CTSE: variants seen among roughly 807,000 people sequenced by gnomAD.
The protein encoded by CTSE is cathepsin E, also known as erythrocyte membrane aspartic proteinase.
CTSE carries 43 observed loss-of-function variants against 42.8 expected under a neutral mutation model. The observed-to-expected ratio is 1.01, with a 90% CI of 0.79 to 1.30. The LOEUF (loss-of-function observed/expected upper bound fraction) is 1.30, where lower values mean the gene tolerates loss of function less well. Among genes scored for constraint, CTSE ranks in the 50% most tolerant of loss-of-function variants. CTSE has a pLI of 0.00. For missense variants in CTSE, 532 were observed against 493.5 expected (o/e 1.08, Z -0.74); for synonymous variants, 205 against 191.5 (o/e 1.07, Z -0.58).
intron 5 of CTSE, chr1:206,014,118 T>G (rs1247369706): frequency 2.1e-5 from 11 of 512,382 alleles, no homozygotes; most frequent in African/African-American, 1.4e-4. Flanking sequence ...TGTGAATGTG[T>G]TTCTGCTTCT....
Position 206,009,811 on chromosome 1 carries a change from T to C in CTSE, c.*372A>G, listed in dbSNP as rs970655647. ...ACAGGCCTGGCCGTGTGTGGATGGGTTGTCAGGGCTGAGTGGAGTTGCAAA... is the reference window on the plus strand; with the variant it reads ...ACAGGCCTGGCCGTGTGTGGATGGGCTGTCAGGGCTGAGTGGAGTTGCAAA... On this transcript the variant is annotated 3_prime_UTR_variant, in exon 9 of 9. Transcript: ENST00000358184. 1.2e-5 allele frequency: 3 copies of C among 259,484 alleles called. No homozygotes were observed. Among genetic ancestry groups the C allele is most frequent in the Admixed American group, 4.9e-5 (1 of 20,386 alleles). 16.1% of individuals were successfully genotyped at this position (259,484 alleles called of 1,614,324 possible).
chr1:206,009,998 AGTGTGTGTGTGTGTATAT>A lies in CTSE; in HGVS notation c.*167_*184del, dbSNP rs1661038297. The stretch of plus-strand genomic sequence containing the variant: ...TGGTGGGAGTGGTGTGTATGTGTGA[AGTGTGTGTGTGTGTATAT>A]GTGTGTGTGTGTGTGTATTCTCATG... On this transcript the variant is annotated 3_prime_UTR_variant, in exon 9 of 9. Transcript: ENST00000358184. 2 of 587,050 alleles carry A rather than the reference AGTGTGTGTGTGTGTATAT, an allele frequency of 3.4e-6. No homozygotes were observed. Among genetic ancestry groups the A allele is most frequent in the Non-Finnish European group, 6.1e-6 (2 of 329,944 alleles). The allele number at this position is 587,050 out of a possible 1,614,324, so 36.4% of individuals were successfully genotyped here. A position where few individuals can be genotyped will look rare whatever the true frequency, so the allele number is the denominator to read the frequency against.
chr1:206,012,480 C>A lies in CTSE; in HGVS notation c.927+28G>T, dbSNP rs775147214. On this transcript the variant is annotated intron_variant, in intron 7 of 8. Coordinates refer to ENST00000358184, the MANE Select transcript of CTSE (RefSeq NM_001910.4). ...AGAAGGCCTGGCTCTCCTGTCCCCA[C>A]CACTCCCTTGCGCAGGCAGGCACTC... The A allele has an allele frequency of 2.4e-5, 38 of 1,613,842 alleles. 1 individual carries two copies. The highest frequency in any genetic ancestry group is 3.2e-5 in the Non-Finnish European group (38 of 1,179,920).
At position 206,022,903 on chromosome 1, in the gene CTSE, C is replaced by A. The variant is rs1553278670; in HGVS notation, c.223G>T (p.Asp75Tyr). 1 of 1,572,898 alleles carries A rather than the reference C, an allele frequency of 6.4e-7. No individual in the cohort carries two copies. The highest frequency in any genetic ancestry group is 8.7e-7 in the Non-Finnish European group (1 of 1,155,780). ...SAKEPLINYLDMEYFGTISIG... is the reference protein window; with the variant it reads ...SAKEPLINYLYMEYFGTISIG... ...GCCCTGACCCCAGGAGGCCTCACATCCAAGTAGTTGATGAGGGGTTCCTTG... is the reference window on the plus strand; with the variant it reads ...GCCCTGACCCCAGGAGGCCTCACATACAAGTAGTTGATGAGGGGTTCCTTG... Residue 75 changes from aspartate to tyrosine, a missense_variant and splice_region_variant, in exon 2 of 9, where the codon GAT becomes TAT. Transcript: ENST00000358184.
intron 5 of CTSE, among the ~76,000 whole-genome samples, chr1:206,015,057 A>C (rs1168365066): frequency 6.6e-6 from 1 of 152,112 alleles, no homozygotes. Flanking sequence ...CCCTCCAAGG[A>C]TGCCGGGCAA....
In CTSE at chr1:206,009,477, T is replaced by A. The variant is rs1457694134; in HGVS notation, c.*706A>T. The A allele has an allele frequency of 6.6e-6, 1 of 152,072 alleles. No homozygotes were observed. Among genetic ancestry groups the A allele is most frequent in the Admixed American group, 6.6e-5 (1 of 15,260 alleles). The allele number at this position is 152,072 out of a possible 1,614,324, so 9.4% of individuals were successfully genotyped here. On this transcript the variant is annotated 3_prime_UTR_variant, in exon 9 of 9. Transcript: ENST00000358184. Reference sequence around the variant, plus strand: ...TAGGAAAGATAAGTTCAGAGAACCATGTCAAATGACACCTCGGGATTTCAA... The same window carrying A: ...TAGGAAAGATAAGTTCAGAGAACCAAGTCAAATGACACCTCGGGATTTCAA...
chr1:206,018,629 A>G (rs1309663394), intron 4 of CTSE, among the ~76,000 whole-genome samples: 3 of 151,888 alleles, frequency 2.0e-5, no homozygotes, highest in Non-Finnish European at 4.4e-5. Flanking sequence ...TTTTTGCATC[A>G]GTTTTGGTAT....
At chr1:206,020,741 C>T (rs891829541) in intron 4 of CTSE, among the ~76,000 whole-genome samples, 7 of 152,128 alleles carry the variant, frequency 4.6e-5, no homozygotes, top group Non-Finnish European at 7.4e-5. Context: ...AAGACGGAGA[C>T]GTGGTTTTAT....
At chr1:206,014,736 C>T (rs782350774) in intron 5 of CTSE, among the ~76,000 whole-genome samples, 12 of 152,048 alleles carry the variant, frequency 7.9e-5, no homozygotes, top group Non-Finnish European at 1.3e-4. Flanking sequence ...GTCTGACTGC[C>T]AAGCCTTGAT....
At chr1:206,016,220 A>G (rs1553277726) in intron 4 of CTSE, 90 bp from the exon 5 acceptor site, 1 of 1,192,724 alleles carries the variant, frequency 8.4e-7, no homozygotes. Flanking sequence ...TCTGTCTTGA[A>G]GCTAATGCCT....
At position 206,013,753 on chromosome 1, in the gene CTSE, C is replaced by G. The variant is rs782687153; in HGVS notation, c.785+19G>C. Reference sequence around the variant, plus strand: ...CAGTTTACCCCTAGTACTGTCACTACTTCATGGGGAATACTCACTTATCCA... The same window carrying G: ...CAGTTTACCCCTAGTACTGTCACTAGTTCATGGGGAATACTCACTTATCCA... On this transcript the variant is annotated intron_variant, in intron 6 of 8. Coordinates refer to ENST00000358184, the MANE Select transcript of CTSE (RefSeq NM_001910.4). 6.2e-7 allele frequency: 1 copy of G among 1,612,466 alleles called. No homozygotes were observed. Among genetic ancestry groups the G allele is most frequent in the South Asian group, 1.1e-5 (1 of 90,950 alleles).
At chr1:206,020,946 C>T in intron 4 of CTSE, 103 bp downstream of exon 4, 2 of 841,850 alleles carry the variant, frequency 2.4e-6, no homozygotes, top group Non-Finnish European at 4.0e-6. Flanking sequence ...TAGTGCTAAC[C>T]CCTGTTTCCA....
rs1447339393 is a variant in CTSE at position 206,015,964 on chromosome 1, A to T, written c.629T>A (p.Val210Glu). The change falls in exon 5 of 9, where the codon GTG becomes GAG. Residue 210 changes from valine to glutamate, a missense_variant. Transcript: ENST00000358184. ...VFDNMMAQNLVDLPMFSVYMS... is the reference protein window; with the variant it reads ...VFDNMMAQNLEDLPMFSVYMS... ...GTAGACAGAAAACATCGGCAAGTCC[A>T]CCAGGTTCTGAGCCATCATGTTGTC... is the stretch of plus-strand genomic sequence containing the variant. 1 of 1,613,796 alleles carries T rather than the reference A, an allele frequency of 6.2e-7. No homozygotes were observed. Among genetic ancestry groups the T allele is most frequent in the Non-Finnish European group, 8.5e-7 (1 of 1,179,906 alleles).
intron 3 of CTSE, among the ~76,000 whole-genome samples, chr1:206,021,589 T>C (rs868991930): frequency 2.6e-5 from 4 of 152,152 alleles, no homozygotes; most frequent in Middle Eastern, 3.4e-3. Context: ...CCAGAGACAT[T>C]CTGTCTCTGG....
intron 3 of CTSE, 156 bp from the exon 4 acceptor site, chr1:206,021,323 A>G (rs1326857096): frequency 3.1e-6 from 2 of 643,916 alleles, no homozygotes; most frequent in Non-Finnish European, 5.5e-6. Context: ...TCCCTAATGA[A>G]CAACTACATT....
Position 206,012,586 on chromosome 1 carries a change from C to G in CTSE, c.849G>C (p.Gly283=). 1 of 1,613,982 alleles carries G rather than the reference C, an allele frequency of 6.2e-7. No individual in the cohort carries two copies. The highest frequency in any genetic ancestry group is 8.5e-7 in the Non-Finnish European group (1 of 1,179,904). The change falls in exon 7 of 9, where the codon GGG becomes GGC. Residue 283 remains glycine, a synonymous_variant. Coordinates refer to ENST00000358184, the MANE Select transcript of CTSE (RefSeq NM_001910.4). ...CGGAAGGGCCAGTGATGAGGGAAGTCCCTGTGTCCACAATGGCCTGGCAGC... is the reference window on the plus strand; with the variant it reads ...CGGAAGGGCCAGTGATGAGGGAAGTGCCTGTGTCCACAATGGCCTGGCAGC... ...SEGCQAIVDT[G]TSLITGPSDK...
rs150935250 is a variant in CTSE, at chr1:206,012,222, G to A, written c.1026+86C>T. 2.6e-5 allele frequency: 29 copies of A among 1,114,784 alleles called. No homozygotes were observed. In the African/African-American group the frequency reaches 2.6e-4, roughly 10 times the overall value. The allele number at this position is 1,114,784 out of a possible 1,614,324, so 69.1% of individuals were successfully genotyped here. A position where few individuals can be genotyped will look rare whatever the true frequency, so the allele number is the denominator to read the frequency against. On this transcript the variant is annotated intron_variant, in intron 8 of 8. Coordinates refer to ENST00000358184, the MANE Select transcript of CTSE (RefSeq NM_001910.4). The stretch of plus-strand genomic sequence containing the variant: ...GTGGGGCGGGGCTTAGGGTAAAGGC[G>A]GGCAAAGTGCAGGCGATTGAAAAGG...
At chr1:206,011,161 G>A (rs188539810) in intron 8 of CTSE, among the ~76,000 whole-genome samples, 346 of 152,026 alleles carry the variant, frequency 2.3e-3, no homozygotes, top group African/African-American at 7.8e-3. Context: ...CACCCGCCTC[G>A]GCCTCCCAAA....
intron 1 of CTSE, 81 bp from the exon 2 acceptor site, chr1:206,023,138 C>T (rs922881470): frequency 1.6e-5 from 12 of 731,024 alleles, no homozygotes; most frequent in East Asian, 4.7e-5. Context: ...TTCTCAGGGG[C>T]CAACTAGAGA....
Sources: allele counts gnomAD v4.1 joint callset (sites outside exome capture counted in the v4.1 genomes callset), GRCh38; gene constraint gnomAD v4.1.1; transcripts MANE v1.5; gene names NCBI Gene and HGNC (gene_info 2026-07-23, HGNC 2026-07-21).